ZC3H11A: variants seen among roughly 807,000 people sequenced by gnomAD.
ZC3H11A encodes the protein zinc finger CCCH domain-containing protein 11A.
A neutral mutation model predicts 90.8 loss-of-function variants in ZC3H11A; 22 were observed. That is an observed-to-expected ratio of 0.24 (90% CI 0.17 to 0.35). The LOEUF is 0.35. ZC3H11A is among the 10% of genes least tolerant of loss of function. The pLI is 1.00. For synonymous variants in ZC3H11A, 294 were observed against 339.8 expected (o/e 0.87, Z 1.48); for missense variants, 701 against 964.9 (o/e 0.73, Z 3.62).
chr1:203,852,097 A>G (rs773569106), intron 17 of ZC3H11A, 44 bp from the exon 18 acceptor site: 1 of 1,609,336 alleles, frequency 6.2e-7, no homozygotes, highest in Non-Finnish European at 8.5e-7. Context: ...TCAGCCAACT[A>G]TTTTTAAAAC....
At chr1:203,829,920 C>T (rs750758900) in intron 7 of ZC3H11A, 24 bp downstream of exon 7, 5 of 1,591,926 alleles carry the variant, frequency 3.1e-6, no homozygotes, top group Admixed American at 3.3e-5. Context: ...AGATTGGTGC[C>T]TCTTATAGCA....
chr1:203,816,211 A>G (rs2102753399), intron 2 of ZC3H11A, among the ~76,000 whole-genome samples: 1 of 152,342 alleles, frequency 6.6e-6, no homozygotes, highest in Non-Finnish European at 1.5e-5. Flanking sequence ...ATATTTTGTT[A>G]GCAAGTATTT....
rs1670998427 is a variant in ZC3H11A, at chr1:203,803,016, T to C, written c.-146T>C. ...GTTCCTGTTCAGAGCAACCAGCTAA[T>C]GTAAGTGGGGAAGCAGGCATTTTTC... On this transcript the variant is annotated splice_region_variant and 5_prime_UTR_variant, in exon 2 of 18. It removes an upstream start codon present in the reference 5' UTR. Coordinates refer to ENST00000367210, the MANE Select transcript of ZC3H11A (RefSeq NM_001376342.1). 1 of 152,602 alleles carries C rather than the reference T, an allele frequency of 6.6e-6. No individual in the cohort carries two copies. The highest frequency in any genetic ancestry group is 1.5e-5 in the Non-Finnish European group (1 of 68,054). 9.5% of individuals were successfully genotyped at this position (152,602 alleles called of 1,614,324 possible).
chr1:203,800,063 T>G, intron 1 of ZC3H11A: 1 of 1,536,122 alleles, frequency 6.5e-7, no homozygotes, highest in South Asian at 1.2e-5. Flanking sequence ...ATAGCTCAGC[T>G]GTAGACAATG....
rs1380963107 is a variant in ZC3H11A, at chr1:203,830,135, A to C, written c.632A>C (p.Asn211Thr). 6.3e-7 allele frequency: 1 copy of C among 1,595,280 alleles called. No homozygotes were observed. Among genetic ancestry groups the C allele is most frequent in the Non-Finnish European group, 8.5e-7 (1 of 1,174,498 alleles). Reference sequence around the variant, plus strand: ...TTTGAATTTTCAGGTGAATGTTTGAATTTTGGAATAAAAACTCTTGAGGAA... The same window carrying C: ...TTTGAATTTTCAGGTGAATGTTTGACTTTTGGAATAAAAACTCTTGAGGAA... ...AVNIKQGECLNFGIKTLEEIK... is the reference protein window; with the variant it reads ...AVNIKQGECLTFGIKTLEEIK... The change falls in exon 8 of 18, where the codon AAT becomes ACT. Residue 211 changes from asparagine to threonine, a missense_variant. Physicochemically the swap from Asn to Thr is moderately conservative, Grantham distance 65. Around this residue, in one of 4 missense-constraint regions of ZC3H11A, gnomAD observed 530 missense variants for 696.2 expected, o/e 0.76. Transcript: ENST00000367210.
chr1:203,826,582 C>T (rs1222993587), intron 4 of ZC3H11A, among the ~76,000 whole-genome samples: 1 of 152,118 alleles, frequency 6.6e-6, no homozygotes, highest in African/African-American at 2.4e-5. Flanking sequence ...AATTTTATCA[C>T]TCTCTCAATA....
rs569904069 is a variant in ZC3H11A, at chr1:203,838,870, G to A, written c.973+806G>A. Among the ~76,000 whole-genome samples, 3 of 149,416 alleles carry A rather than the reference G, an allele frequency of 2.0e-5. No homozygotes were observed. In the East Asian group the frequency reaches 6.0e-4, roughly 30 times the overall value. ...TGGGAGGCTGAGGCAGGAGAATTGT[G>A]TGAACCTGGAAGGCGGAGGTTACAG... On this transcript the variant is annotated intron_variant, in intron 11 of 17. Transcript: ENST00000367210.
At chr1:203,811,343 G>A (rs1674438749) in intron 2 of ZC3H11A, among the ~76,000 whole-genome samples, 1 of 152,086 alleles carries the variant, frequency 6.6e-6, no homozygotes, top group African/African-American at 2.4e-5. Flanking sequence ...AAAATTAGTT[G>A]CCAAAAAATT....
intron 1 of ZC3H11A, chr1:203,801,343 G>A (rs1207630282): frequency 6.6e-6 from 1 of 152,096 alleles, no homozygotes; most frequent in Admixed American, 6.5e-5. Context: ...CTGTGCGGTT[G>A]TTTTGGCCAC....
intron 4 of ZC3H11A, among the ~76,000 whole-genome samples, chr1:203,819,152 A>G (rs1572076329): frequency 6.9e-6 from 1 of 145,396 alleles, no homozygotes; most frequent in East Asian, 1.9e-4. Context: ...GTGTGTATAT[A>G]CACACACGTG....
chr1:203,817,776 G>A (rs149108502), intron 3 of ZC3H11A, among the ~76,000 whole-genome samples: 6 of 151,226 alleles, frequency 4.0e-5, no homozygotes, highest in African/African-American at 1.5e-4. Context: ...TTTTTGAGAC[G>A]GAGTCTAGTT....
chr1:203,798,379 AT>A (rs1251796544), intron 1 of ZC3H11A: 1 of 1,534,916 alleles, frequency 6.5e-7, no homozygotes, highest in African/African-American at 1.4e-5. Context: ...GCTGTGTGTA[AT>A]ATATGTAAAA....
chr1:203,798,881 C>A, intron 1 of ZC3H11A: 1 of 1,536,092 alleles, frequency 6.5e-7, no homozygotes, highest in African/African-American at 1.4e-5. Context: ...CTTACTTTTT[C>A]ACTAAGGCTG....
chr1:203,797,455 G>C, intron 1 of ZC3H11A: 1 of 1,371,640 alleles, frequency 7.3e-7, no homozygotes, highest in Admixed American at 3.0e-5. Flanking sequence ...GAGAGGAACA[G>C]CTGTATTTCT....
intron 2 of ZC3H11A, 36 bp from the exon 3 acceptor site, chr1:203,816,890 C>T (rs1676565076): frequency 3.9e-6 from 2 of 509,038 alleles, no homozygotes; most frequent in Non-Finnish European, 7.1e-6. Context: ...GAAGAATTTA[C>T]CTGAAATATT....
At chr1:203,803,586 C>T (rs766006157) in intron 2 of ZC3H11A, among the ~76,000 whole-genome samples, 2 of 152,128 alleles carry the variant, frequency 1.3e-5, no homozygotes, top group Non-Finnish European at 2.9e-5. Flanking sequence ...ATTCCATCTC[C>T]TTGGAGAAAA....
chr1:203,797,655 G>T, intron 1 of ZC3H11A: 1 of 1,536,052 alleles, frequency 6.5e-7, no homozygotes, highest in Non-Finnish European at 8.7e-7. Flanking sequence ...TGTGGTAGAG[G>T]AAAAGATGGT....
At chr1:203,842,354 C>G (rs528419548) in intron 12 of ZC3H11A, among the ~76,000 whole-genome samples, 2 of 152,148 alleles carry the variant, frequency 1.3e-5, no homozygotes, top group Non-Finnish European at 2.9e-5. Context: ...CCCGGCACCT[C>G]GGGAGGCTGA....
chr1:203,829,853 A>G lies in ZC3H11A; in HGVS notation c.576A>G (p.Leu192=), dbSNP rs781519315. ...CAACTCCTGAAGTTCACAATGGATT[A>G]CGAGTGACTTCTGTCCGGAAACCTG... is the stretch of plus-strand genomic sequence containing the variant. ...LQPTPEVHNG[L]RVTSVRKPAV... is the part of the protein sequence containing the mutation. Residue 192 remains leucine (L), a synonymous_variant, in exon 7 of 18, where the codon TTA becomes TTG. Coordinates refer to ENST00000367210, the MANE Select transcript of ZC3H11A (RefSeq NM_001376342.1). 3 of 1,614,104 alleles carry G rather than the reference A, an allele frequency of 1.9e-6. No homozygotes were observed. The highest frequency in any genetic ancestry group is 2.5e-6 in the Non-Finnish European group (3 of 1,180,038).
Sources: allele counts gnomAD v4.1 joint callset (sites outside exome capture counted in the v4.1 genomes callset), GRCh38; gene constraint gnomAD v4.1.1; regional missense constraint gnomAD v4.1.1; transcripts MANE v1.5; gene names NCBI Gene and HGNC (gene_info 2026-07-23, HGNC 2026-07-21).